Variants in NHP2 observed in about 807,000 individuals in gnomAD.
NHP2 encodes H/ACA ribonucleoprotein complex subunit 2.
NHP2 carries 10 observed loss-of-function variants against 16.7 expected under a neutral mutation model. The ratio of observed to expected loss-of-function variants is 0.60; its 90% CI spans 0.37 to 1.01. The LOEUF is 1.01. Ranked by LOEUF, NHP2 falls within the 50% of genes least tolerant of loss-of-function variation. The pLI is 0.01. For synonymous variants in NHP2, 87 were observed against 78.9 expected (o/e 1.10, Z -0.54); for missense variants, 184 against 198.3 (o/e 0.93, Z 0.43).
At chr5:178,150,360 AC>A in intron 3 of NHP2, 1 of 260,482 alleles carries the variant, frequency 3.8e-6, no homozygotes, top group Non-Finnish European at 7.6e-6. Flanking sequence ...TACTGTAGGT[AC>A]CCAAGATCCA....
At chr5:178,151,519 G>A (rs949636422) in intron 2 of NHP2, among the ~76,000 whole-genome samples, 2 of 152,208 alleles carry the variant, frequency 1.3e-5, no homozygotes, top group Admixed American at 6.5e-5. Context: ...AGGGCCTCAG[G>A]AGCCTAAGAC....
rs1309169145 is a variant in NHP2 at position 178,151,013 on chromosome 5, T to C, written c.231-20A>G. The stretch of plus-strand genomic sequence containing the variant: ...ATGATCCTGAAATGAGAGAAAACAC[T>C]GTCATCTCTGGCTTGCTCCTTCCTT... On this transcript the variant is annotated intron_variant, in intron 2 of 3. Coordinates refer to ENST00000274606, the MANE Select transcript of NHP2 (RefSeq NM_017838.4). 8.8e-6 allele frequency: 14 copies of C among 1,586,752 alleles called. No individual in the cohort carries two copies. The highest frequency in any genetic ancestry group is 1.7e-5 in the Admixed American group (1 of 59,792).
In NHP2 at chr5:178,149,712, C is replaced by T. The variant is rs1384496361; in HGVS notation, c.*1G>A. The T allele has an allele frequency of 6.2e-7, 1 of 1,613,704 alleles. No individual in the cohort carries two copies. On this transcript the variant is annotated 3_prime_UTR_variant, in exon 4 of 4. Coordinates refer to ENST00000274606, the MANE Select transcript of NHP2 (RefSeq NM_017838.4). The stretch of plus-strand genomic sequence containing the variant: ...AGGTGCCCAGGTGCTACCGGAGCCC[C>T]TCATAGGGGTAGGGGCAGGGACTGC...
Position 178,149,853 on chromosome 5 carries a change from G to A in NHP2, c.337-15C>T, listed in dbSNP as rs755971433. 19 of 1,612,854 alleles carry A rather than the reference G, an allele frequency of 1.2e-5. No individual in the cohort carries two copies. Among genetic ancestry groups the A allele is most frequent in the Non-Finnish European group, 1.5e-5 (18 of 1,179,390 alleles). On this transcript the variant is annotated splice_polypyrimidine_tract_variant and intron_variant, in intron 3 of 3. Coordinates refer to ENST00000274606, the MANE Select transcript of NHP2 (RefSeq NM_017838.4). ...GCACCCAGGTCCTACAGAGGGGAAAGAAGTGCTGTTTGGAAAAAAGCTGTA... is the reference window on the plus strand; with the variant it reads ...GCACCCAGGTCCTACAGAGGGGAAAAAAGTGCTGTTTGGAAAAAAGCTGTA...
intron 2 of NHP2, 62 bp from the exon 3 acceptor site, chr5:178,151,055 C>T (rs760741686): frequency 4.6e-4 from 638 of 1,389,686 alleles, no homozygotes; most frequent in Non-Finnish European, 6.2e-4. Flanking sequence ...GTTTTAAGTG[C>T]TGCCCTGGGC....
chr5:178,150,807 C>T, intron 3 of NHP2, 81 bp downstream of exon 3: 1 of 932,780 alleles, frequency 1.1e-6, no homozygotes, highest in East Asian at 2.4e-5. Context: ...ACTCCTGGCT[C>T]TTTCCCACAC....
In NHP2 at chr5:178,153,650, C is replaced by G. The variant is rs777793268; in HGVS notation, c.160+8G>C. ...CACCCATCCCGGCCACGCCGCCGTC[C>G]GCCTCACCTTTCTTGATGCATTTGT... On this transcript the variant is annotated splice_region_variant and intron_variant, in intron 1 of 3. Transcript: ENST00000274606. The G allele has an allele frequency of 1.2e-6, 2 of 1,613,744 alleles. No homozygotes were observed. The highest frequency in any genetic ancestry group is 1.7e-6 in the Non-Finnish European group (2 of 1,179,856).
At position 178,153,725 on chromosome 5, in the gene NHP2, C is replaced by T. The variant is rs1756334010; in HGVS notation, c.93G>A (p.Gln31=). The T allele has an allele frequency of 3.7e-6, 6 of 1,613,976 alleles. No homozygotes were observed. Among genetic ancestry groups the T allele is most frequent in the Non-Finnish European group, 5.1e-6 (6 of 1,179,914 alleles). The part of the protein sequence containing the change: ...ERTYQELLVN[Q]NPIAQPLASR... ...AAGCCAGGGGCTGCGCGATGGGGTT[C>T]TGGTTGACCAGCAGCTCCTGGTAGG... The change falls in exon 1 of 4, where the codon CAG becomes CAA. Residue 31 remains glutamine, a synonymous_variant. Coordinates refer to ENST00000274606, the MANE Select transcript of NHP2 (RefSeq NM_017838.4).
In NHP2 at chr5:178,153,508, G is replaced by T; in HGVS notation, c.213C>A (p.Val71=). Residue 71 remains valine, a synonymous_variant, in exon 2 of 4, where the codon GTC becomes GTA. Coordinates refer to ENST00000274606, the MANE Select transcript of NHP2 (RefSeq NM_017838.4). ...GTTCTTACCCTTTTTCTCCTTTGTTGACAAATTTCTGAACCTCTTTCACCC... is the reference window on the plus strand; with the variant it reads ...GTTCTTACCCTTTTTCTCCTTTGTTTACAAATTTCTGAACCTCTTTCACCC... The part of the protein sequence containing the change: ...RRGVKEVQKF[V]NKGEKGIMVL... The T allele has an allele frequency of 6.2e-7, 1 of 1,614,170 alleles. No homozygotes were observed. Among genetic ancestry groups the T allele is most frequent in the Non-Finnish European group, 8.5e-7 (1 of 1,180,028 alleles).
Position 178,149,539 on chromosome 5 carries a change from G to A in NHP2, c.*174C>T. Reference sequence around the variant, plus strand: ...AGTTCTACAGGAAATGGCACTGATGGACAGAAGACTAGCATTACCTTCATG... The same window carrying A: ...AGTTCTACAGGAAATGGCACTGATGAACAGAAGACTAGCATTACCTTCATG... On this transcript the variant is annotated 3_prime_UTR_variant, in exon 4 of 4. Transcript: ENST00000274606. 1.4e-6 allele frequency: 1 copy of A among 704,634 alleles called. No individual in the cohort carries two copies. Among genetic ancestry groups the A allele is most frequent in the East Asian group, 2.8e-5 (1 of 35,136 alleles). The allele number at this position is 704,634 out of a possible 1,614,324, so 43.6% of individuals were successfully genotyped here. A position where few individuals can be genotyped will look rare whatever the true frequency, so the allele number is the denominator to read the frequency against.
Position 178,150,808 on chromosome 5 carries a change from T to C in NHP2, c.336+80A>G, listed in dbSNP as rs746614995. 3.2e-6 allele frequency: 3 copies of C among 939,610 alleles called. No individual in the cohort carries two copies. In the Admixed American group the frequency reaches 5.1e-5, roughly 16 times the overall value. 58.2% of individuals were successfully genotyped at this position (939,610 alleles called of 1,614,324 possible). Reference sequence around the variant, plus strand: ...GTCTTAGCTCCAACACTCCTGGCTCTTTCCCACACTCTCCTGCTATGGCAG... The same window carrying C: ...GTCTTAGCTCCAACACTCCTGGCTCCTTCCCACACTCTCCTGCTATGGCAG... On this transcript the variant is annotated intron_variant, in intron 3 of 3. Transcript: ENST00000274606.
At chr5:178,150,190 G>A (rs970067647) in intron 3 of NHP2, 2 of 233,456 alleles carry the variant, frequency 8.6e-6, no homozygotes, top group Non-Finnish European at 1.7e-5. Flanking sequence ...CCACCTAACC[G>A]GACTAACATG....
At chr5:178,153,636 G>A (rs1561645267) in intron 1 of NHP2, 22 bp downstream of exon 1, 1 of 1,612,634 alleles carries the variant, frequency 6.2e-7, no homozygotes, top group Admixed American at 1.7e-5. Flanking sequence ...ACCCATCCCG[G>A]CCACGCCGCC....
chr5:178,149,845 A>G lies in NHP2; in HGVS notation c.337-7T>C. The G allele has an allele frequency of 6.2e-7, 1 of 1,613,110 alleles. No individual in the cohort carries two copies. The highest frequency in any genetic ancestry group is 8.5e-7 in the Non-Finnish European group (1 of 1,179,470). ...CTGCGGCTGCACCCAGGTCCTACAG[A>G]GGGGAAAGAAGTGCTGTTTGGAAAA... On this transcript the variant is annotated splice_region_variant and splice_polypyrimidine_tract_variant and intron_variant, in intron 3 of 3. Coordinates refer to ENST00000274606, the MANE Select transcript of NHP2 (RefSeq NM_017838.4).
At chr5:178,149,879 C>A in intron 3 of NHP2, 41 bp from the exon 4 acceptor site, 1 of 1,609,010 alleles carries the variant, frequency 6.2e-7, no homozygotes, top group Non-Finnish European at 8.5e-7. Flanking sequence ...AAAAGCTGTA[C>A]AACCTGTATG....
Position 178,153,824 on chromosome 5 carries a change from G to A in NHP2, c.-7C>T, listed in dbSNP as rs1756337416. 2 of 1,603,620 alleles carry A rather than the reference G, an allele frequency of 1.2e-6. No homozygotes were observed. Among genetic ancestry groups the A allele is most frequent in the Non-Finnish European group, 1.7e-6 (2 of 1,175,336 alleles). ...CTGCCTTTATTTTGGTCATCGCAGC[G>A]GCCGCTGAAACCTAGTCCCAGGGAG... is the stretch of plus-strand genomic sequence containing the variant. On this transcript the variant is annotated 5_prime_UTR_variant, in exon 1 of 4. Coordinates refer to ENST00000274606, the MANE Select transcript of NHP2 (RefSeq NM_017838.4).
At chr5:178,150,619 C>G in intron 3 of NHP2, 4 of 619,852 alleles carry the variant, frequency 6.5e-6, no homozygotes, top group Non-Finnish European at 1.2e-5. Flanking sequence ...CTGTCCTCAA[C>G]TGATCCTCCT....
At chr5:178,150,464 T>C (rs551312590) in intron 3 of NHP2, 11 of 355,414 alleles carry the variant, frequency 3.1e-5, no homozygotes, top group African/African-American at 1.9e-4. Flanking sequence ...CACTGCAGCC[T>C]TGAACTCCTG....
intron 3 of NHP2, 158 bp downstream of exon 3, chr5:178,150,728 CAT>C: frequency 1.3e-6 from 1 of 765,850 alleles, no homozygotes; most frequent in Non-Finnish European, 2.4e-6. Flanking sequence ...CAAGAAGTAA[CAT>C]ATCTGTAGTC....
Sources: allele counts gnomAD v4.1 joint callset (sites outside exome capture counted in the v4.1 genomes callset), GRCh38; gene constraint gnomAD v4.1.1; transcripts MANE v1.5; gene names NCBI Gene and HGNC (gene_info 2026-07-23, HGNC 2026-07-21).